SIGLEC6: variants seen among roughly 807,000 people sequenced by gnomAD.
The protein encoded by SIGLEC6 is sialic acid binding Ig like lectin 6, also known as sialic acid-binding Ig-like lectin 6.
Under a neutral mutation model 41.4 loss-of-function variants are expected in SIGLEC6, and 31 were observed. The observed-to-expected ratio is 0.75, with a 90% CI of 0.56 to 1.01. The LOEUF is 1.01. Among genes scored for constraint, SIGLEC6 ranks in the 50% least tolerant of loss-of-function variants. The probability of loss-of-function intolerance (pLI) is 0.00; values close to 1 mark genes in which losing one functional copy is unlikely to be tolerated. For synonymous variants in SIGLEC6, 217 were observed against 231.0 expected (o/e 0.94, Z 0.55); for missense variants, 555 against 558.6 (o/e 0.99, Z 0.06).
At chr19:51,524,352 G>A (rs1978839544) in intron 7 of SIGLEC6, among the ~76,000 whole-genome samples, 1 of 152,148 alleles carries the variant, frequency 6.6e-6, no homozygotes, top group Non-Finnish European at 1.5e-5. Flanking sequence ...AAATCAGACA[G>A]TGTATTTTAG....
At chr19:51,528,079 A>T in intron 6 of SIGLEC6, 81 bp downstream of exon 6, 1 of 1,299,270 alleles carries the variant, frequency 7.7e-7, no homozygotes, top group Non-Finnish European at 1.1e-6. Context: ...ATTTTCCTCC[A>T]CTCAGGTTTT....
chr19:51,524,726 G>A (rs950473099), intron 7 of SIGLEC6, among the ~76,000 whole-genome samples: 3 of 152,198 alleles, frequency 2.0e-5, no homozygotes, highest in Admixed American at 2.0e-4. Context: ...CTCTAATGGA[G>A]AGGAGATAGA....
At chr19:51,526,041 T>G (rs1327130542) in intron 7 of SIGLEC6, among the ~76,000 whole-genome samples, 1 of 151,936 alleles carries the variant, frequency 6.6e-6, no homozygotes, top group Non-Finnish European at 1.5e-5. Context: ...TAAGTCCCCC[T>G]GCTTGGGCCC....
In SIGLEC6 at chr19:51,517,837, T is replaced by C. The variant is rs1295182191; in HGVS notation, c.*2245A>G. On this transcript the variant is annotated 3_prime_UTR_variant, in exon 8 of 8. Transcript: ENST00000425629. Reference sequence around the variant, plus strand: ...CCAAATGTAACATTCATCATAACATTTAATTTTCTCTGGAAAAATATAAAG... The same window carrying C: ...CCAAATGTAACATTCATCATAACATCTAATTTTCTCTGGAAAAATATAAAG... Among the ~76,000 whole-genome samples the C allele has an allele frequency of 6.6e-5, 10 of 152,194 alleles. No homozygotes were observed. Among genetic ancestry groups the C allele is most frequent in the Admixed American group, 6.5e-4 (10 of 15,288 alleles).
chr19:51,523,005 T>C (rs1310918670), intron 7 of SIGLEC6, among the ~76,000 whole-genome samples: 1 of 152,042 alleles, frequency 6.6e-6, no homozygotes, highest in Admixed American at 6.6e-5. Context: ...CCAGGCGCAG[T>C]GGTGCATGCC....
intron 7 of SIGLEC6, among the ~76,000 whole-genome samples, chr19:51,526,542 T>C (rs1049083889): frequency 1.3e-5 from 2 of 152,206 alleles, no homozygotes; most frequent in African/African-American, 4.8e-5. Flanking sequence ...CAAAGCCAAC[T>C]GACTATACTC....
intron 7 of SIGLEC6, among the ~76,000 whole-genome samples, chr19:51,521,041 C>T (rs1990892659): frequency 7.3e-6 from 1 of 137,600 alleles, no homozygotes; most frequent in Non-Finnish European, 1.6e-5. Context: ...TTCATGATAG[C>T]AGATATTTTG....
chr19:51,521,810 A>G (rs1184425307), intron 7 of SIGLEC6, among the ~76,000 whole-genome samples: 3 of 152,158 alleles, frequency 2.0e-5, no homozygotes, highest in Non-Finnish European at 4.4e-5. Context: ...TAATTAGAAA[A>G]CTATACATAG....
Position 51,518,965 on chromosome 19 carries a change from C to T in SIGLEC6, c.*1117G>A, listed in dbSNP as rs1314025462. Among the ~76,000 whole-genome samples the T allele has an allele frequency of 6.6e-6, 1 of 152,184 alleles. No homozygotes were observed. Among genetic ancestry groups the T allele is most frequent in the Admixed American group, 6.5e-5 (1 of 15,304 alleles). On this transcript the variant is annotated 3_prime_UTR_variant, in exon 8 of 8. Transcript: ENST00000425629. ...GGCCTCTGGGCCTACTCCTTTTCAGCCTTAGAAGAAATTGCCAGCAGAAAC... is the reference window on the plus strand; with the variant it reads ...GGCCTCTGGGCCTACTCCTTTTCAGTCTTAGAAGAAATTGCCAGCAGAAAC...
Position 51,520,024 on chromosome 19 carries a change from C to T in SIGLEC6, c.*58G>A. ...ACATTGCTGTGGCAGCCCTAGTAAC[C>T]AATACACTGAGAGGTACCATGTTCT... On this transcript the variant is annotated 3_prime_UTR_variant, in exon 8 of 8. Coordinates refer to ENST00000425629, the MANE Select transcript of SIGLEC6 (RefSeq NM_001245.7). 1 of 1,422,332 alleles carries T rather than the reference C, an allele frequency of 7.0e-7. No individual in the cohort carries two copies. The highest frequency in any genetic ancestry group is 2.4e-5 in the East Asian group (1 of 42,134). The allele number at this position is 1,422,332 out of a possible 1,614,324, so 88.1% of individuals were successfully genotyped here. A position where few individuals can be genotyped will look rare whatever the true frequency, so the allele number is the denominator to read the frequency against.
chr19:51,529,001 C>CTCAAAAA, intron 5 of SIGLEC6, among the ~76,000 whole-genome samples: 1 of 92,826 alleles, frequency 1.1e-5, no homozygotes, highest in East Asian at 3.1e-4. Flanking sequence ...GACCCTCTCT[C>CTCAAAAA]AAAAAAAAAA....
chr19:51,530,020 TA>T (rs1271297684), intron 4 of SIGLEC6, 39 bp from the exon 5 acceptor site: 11 of 1,541,332 alleles, frequency 7.1e-6, no homozygotes, highest in Admixed American at 2.0e-5. Context: ...AGATGGGGTA[TA>T]GGGGCAAAGC....
intron 7 of SIGLEC6, among the ~76,000 whole-genome samples, chr19:51,524,176 C>T (rs145939314): frequency 1.4e-4 from 21 of 152,216 alleles, no homozygotes; most frequent in African/African-American, 4.8e-4. Flanking sequence ...TCTAAACACT[C>T]CAATTAAAAG....
chr19:51,530,510 C>T, intron 3 of SIGLEC6, 26 bp from the exon 4 acceptor site: 1 of 1,613,978 alleles, frequency 6.2e-7, no homozygotes, highest in South Asian at 1.1e-5. Flanking sequence ...GTGGCCGCCT[C>T]AACATCCCTG....
Position 51,518,824 on chromosome 19 carries a change from T to C in SIGLEC6, c.*1258A>G, listed in dbSNP as rs1990696811. On this transcript the variant is annotated 3_prime_UTR_variant, in exon 8 of 8. Transcript: ENST00000425629. ...CTGGTGAGGAATTGATCTGGGGAAA[T>C]CTGGATGGACAAGATCATGTAGAGA... 6.6e-6 allele frequency among the ~76,000 whole-genome samples: 1 copy of C among 152,058 alleles called. No homozygotes were observed. Among genetic ancestry groups the C allele is most frequent in the Non-Finnish European group, 1.5e-5 (1 of 67,998 alleles).
chr19:51,522,470 A>G (rs781235282), intron 7 of SIGLEC6, among the ~76,000 whole-genome samples: 12 of 152,226 alleles, frequency 7.9e-5, no homozygotes, highest in Non-Finnish European at 1.3e-4. Flanking sequence ...AGAAGATTAA[A>G]AACGGCTATA....
At chr19:51,523,255 C>T (rs1218491402) in intron 7 of SIGLEC6, among the ~76,000 whole-genome samples, 36 of 152,122 alleles carry the variant, frequency 2.4e-4, no homozygotes, top group Admixed American at 2.3e-3. Flanking sequence ...AACTAAAAAA[C>T]GTAGCAATAA....
At chr19:51,522,287 C>T (rs1978403597) in intron 7 of SIGLEC6, among the ~76,000 whole-genome samples, 1 of 152,164 alleles carries the variant, frequency 6.6e-6, no homozygotes, top group Admixed American at 6.5e-5. Context: ...CATTCGAGAA[C>T]AAAGCTCAAC....
chr19:51,527,828 T>C lies in SIGLEC6; in HGVS notation c.1107A>G (p.Arg369=), dbSNP rs755539570. 1.9e-6 allele frequency: 3 copies of C among 1,614,004 alleles called. No homozygotes were observed. Among genetic ancestry groups the C allele is most frequent in the South Asian group, 2.2e-5 (2 of 91,082 alleles). Residue 369 remains arginine, a splice_region_variant and synonymous_variant, in exon 7 of 8, where the codon AGA becomes AGG. Coordinates refer to ENST00000425629, the MANE Select transcript of SIGLEC6 (RefSeq NM_001245.7). ...LVFLCVCFIF[R]VKTRRKKAAQ... ...CTGCTTTCTTCCTTCTAGTCTTCAC[T>C]CTGAGGGAACAGCCCTAAGCCTTTC... is the stretch of plus-strand genomic sequence containing the variant.
Sources: gnomAD v4.1 joint callset for allele counts (sites outside exome capture counted in the v4.1 genomes callset) on GRCh38, gnomAD v4.1.1 for gene constraint, MANE v1.5 for transcripts, NCBI Gene and HGNC (gene_info 2026-07-23, HGNC 2026-07-21) for gene names.